Variants in LUZP2 observed in about 807,000 individuals in gnomAD.
LUZP2 encodes the protein leucine zipper protein 2.
A neutral mutation model predicts 51.6 loss-of-function variants in LUZP2; 52 were observed. The observed-to-expected ratio is 1.01, with a 90% CI of 0.81 to 1.27. The LOEUF (loss-of-function observed/expected upper bound fraction) is 1.27, where lower values mean the gene tolerates loss of function less well. Among genes scored for constraint, LUZP2 ranks in the 50% most tolerant of loss-of-function variants. The pLI is 0.00. For missense variants in LUZP2, 436 were observed against 395.4 expected, an observed-to-expected ratio of 1.10 and a Z score of -0.87; for synonymous variants, 154 against 137.3, an observed-to-expected ratio of 1.12 and a Z score of -0.85.
chr11:24,874,336 C>T (rs1464225254), intron 5 of LUZP2, among the ~76,000 whole-genome samples: 1 of 152,124 alleles, frequency 6.6e-6, no homozygotes, highest in Non-Finnish European at 1.5e-5. Flanking sequence ...TGAAAGAACA[C>T]TCAGGGGGCT....
intron 5 of LUZP2, among the ~76,000 whole-genome samples, chr11:24,787,651 C>T (rs917431945): frequency 1.3e-5 from 2 of 152,058 alleles, no homozygotes; most frequent in African/African-American, 4.8e-5. Flanking sequence ...CCAACACTCA[C>T]CTCTATTTAT....
intron 1 of LUZP2, among the ~76,000 whole-genome samples, chr11:24,715,263 ATGTGTGTGTGTGTG>A (rs58368050): frequency 2.5e-4 from 34 of 133,988 alleles, no homozygotes; most frequent in African/African-American, 5.7e-4. Context: ...AGGAGCAACT[ATGTGTGTGTGTGTG>A]TGTGTGTGTG....
chr11:24,903,888 A>G (rs1015627775), intron 5 of LUZP2, among the ~76,000 whole-genome samples: 4 of 152,214 alleles, frequency 2.6e-5, no homozygotes, highest in Non-Finnish European at 5.9e-5. Context: ...AGATCTGTGT[A>G]TACTCATTCA....
chr11:24,992,244 G>A (rs529492568), intron 9 of LUZP2, among the ~76,000 whole-genome samples: 50 of 152,076 alleles, frequency 3.3e-4, no homozygotes, highest in Middle Eastern at 3.4e-3. Context: ...ACACTTAGTG[G>A]GATTGAATAC....
At position 24,789,830 on chromosome 11, in the gene LUZP2, G is replaced by T. The variant is rs150013060; in HGVS notation, c.396+26522G>T. Among the ~76,000 whole-genome samples, 614 of 152,254 alleles carry T rather than the reference G, an allele frequency of 4.0e-3. 10 individuals carry two copies. Among genetic ancestry groups the T allele is most frequent in the Admixed American group, 0.033 (497 of 15,272 alleles). ...GTATAAGGGCACTATTCCCATTCAT[G>T]AGGGCTCTATCCTCAGGATCTAATC... On this transcript the variant is annotated intron_variant, in intron 5 of 11. Coordinates refer to ENST00000336930, the MANE Select transcript of LUZP2 (RefSeq NM_001009909.4).
chr11:24,964,663 A>G (rs1055197346), intron 7 of LUZP2, among the ~76,000 whole-genome samples: 1 of 152,048 alleles, frequency 6.6e-6, no homozygotes, highest in East Asian at 1.9e-4. Flanking sequence ...AGCAATTACT[A>G]CCTCCTAGAA....
chr11:24,900,089 T>A (rs1853227370), intron 5 of LUZP2, among the ~76,000 whole-genome samples: 1 of 152,200 alleles, frequency 6.6e-6, no homozygotes, highest in Non-Finnish European at 1.5e-5. Flanking sequence ...TTTTCCTGAT[T>A]CTTGTGTTTA....
chr11:24,814,672 G>A (rs1850119456), intron 5 of LUZP2, among the ~76,000 whole-genome samples: 1 of 152,100 alleles, frequency 6.6e-6, no homozygotes, highest in Non-Finnish European at 1.5e-5. Flanking sequence ...AAATCCTAGT[G>A]CGTTTGAAGT....
chr11:24,609,328 A>C (rs546042466), intron 1 of LUZP2, among the ~76,000 whole-genome samples: 1 of 152,312 alleles, frequency 6.6e-6, no homozygotes, highest in African/African-American at 2.4e-5. Flanking sequence ...TGTGAAAGCA[A>C]AGAACTCTGA....
rs113419661 is a variant in LUZP2, at chr11:24,860,180, C to T, written c.397-45811C>T. Among the ~76,000 whole-genome samples the T allele has an allele frequency of 7.0e-3, 1,071 of 152,326 alleles. 13 individuals are homozygous for T. Among genetic ancestry groups the T allele is most frequent in the African/African-American group, 0.024 (1,012 of 41,592 alleles). On this transcript the variant is annotated intron_variant, in intron 5 of 11. Coordinates refer to ENST00000336930, the MANE Select transcript of LUZP2 (RefSeq NM_001009909.4). ...CAACACACTGGCTGTCATCCGTCAT[C>T]TGTGGTCAGAGTGCTCATCAAGTCA...
chr11:24,751,560 C>T (rs891347670), intron 4 of LUZP2: 3 of 979,690 alleles, frequency 3.1e-6, no homozygotes, highest in Non-Finnish European at 3.6e-6. Context: ...AGGGTGGAGT[C>T]GTAGTACCCA....
intron 7 of LUZP2, among the ~76,000 whole-genome samples, chr11:24,964,687 CA>C (rs1011454711): frequency 7.9e-5 from 12 of 151,954 alleles, no homozygotes; most frequent in Admixed American, 7.9e-4. Flanking sequence ...TTCAAGTAGA[CA>C]AAGGCAAAAT....
At chr11:24,830,911 G>A (rs1461423660) in intron 5 of LUZP2, among the ~76,000 whole-genome samples, 4 of 152,124 alleles carry the variant, frequency 2.6e-5, no homozygotes, top group East Asian at 1.9e-4. Context: ...GGAGAATGGC[G>A]TGAACCCGGG....
At chr11:24,928,299 C>T (rs958508960) in intron 7 of LUZP2, among the ~76,000 whole-genome samples, 1 of 152,002 alleles carries the variant, frequency 6.6e-6, no homozygotes, top group Non-Finnish European at 1.5e-5. Flanking sequence ...AAAGTAGACA[C>T]CCTCGTTTTG....
intron 1 of LUZP2, among the ~76,000 whole-genome samples, chr11:24,535,623 C>T (rs1371468282): frequency 6.6e-6 from 1 of 151,278 alleles, no homozygotes; most frequent in Admixed American, 6.6e-5. Context: ...CTTTAGATTC[C>T]ACTTCTAATT....
chr11:24,710,012 A>C (rs990996667), intron 1 of LUZP2, among the ~76,000 whole-genome samples: 1 of 152,126 alleles, frequency 6.6e-6, no homozygotes, highest in Non-Finnish European at 1.5e-5. Flanking sequence ...AAGTTATAGA[A>C]ATGTGCTCCT....
At chr11:24,881,628 G>C (rs557383298) in intron 5 of LUZP2, among the ~76,000 whole-genome samples, 2 of 152,102 alleles carry the variant, frequency 1.3e-5, no homozygotes, top group African/African-American at 4.8e-5. Context: ...ACAATGTTAG[G>C]AGTAGAAGTC....
intron 1 of LUZP2, among the ~76,000 whole-genome samples, chr11:24,589,615 C>T (rs1853190817): frequency 6.6e-6 from 1 of 152,178 alleles, no homozygotes; most frequent in South Asian, 2.1e-4. Context: ...AACTTACTCT[C>T]AAACTGGTGC....
chr11:24,863,885 A>G (rs1851811185), intron 5 of LUZP2, among the ~76,000 whole-genome samples: 1 of 152,178 alleles, frequency 6.6e-6, no homozygotes, highest in Non-Finnish European at 1.5e-5. Flanking sequence ...GAGATTCATA[A>G]TGATACCTCA....
Sources: allele counts gnomAD v4.1 joint callset (sites outside exome capture counted in the v4.1 genomes callset), GRCh38; gene constraint gnomAD v4.1.1; transcripts MANE v1.5; gene names NCBI Gene and HGNC (gene_info 2026-07-23, HGNC 2026-07-21).